The following PRDX5 variants were observed in gnomAD, a reference collection of about 807,000 sequenced individuals.
PRDX5 encodes peroxiredoxin-5, mitochondrial.
In PRDX5, 21 loss-of-function variants were observed where a neutral mutation model predicts 23.8. That is an observed-to-expected ratio of 0.88 (90% CI 0.63 to 1.27). The LOEUF (loss-of-function observed/expected upper bound fraction) is 1.27. Among genes scored for constraint, PRDX5 ranks in the 50% most tolerant of loss-of-function variants. PRDX5 has a pLI of 0.00. For missense variants in PRDX5, 261 were observed against 270.6 expected, an observed-to-expected ratio of 0.96 and a Z score of 0.25; for synonymous variants, 111 against 113.3, an observed-to-expected ratio of 0.98 and a Z score of 0.13.
chr11:64,318,993 C>G lies in PRDX5; in HGVS notation c.171+607C>G, dbSNP rs533182348. ...TCCCACTCCATGACCTCCCCTCCCC[C>G]CATGGCGAATTCCCACCTTTCTGTC... On this transcript the variant is annotated intron_variant, in intron 1 of 5. Coordinates refer to ENST00000265462, the MANE Select transcript of PRDX5 (RefSeq NM_012094.5). Among the ~76,000 whole-genome samples the G allele has an allele frequency of 1.9e-4, 29 of 152,128 alleles. No individual in the cohort carries two copies. In the East Asian group the frequency reaches 3.9e-3, roughly 20 times the overall value.
chr11:64,319,297 G>A (rs899083949), intron 1 of PRDX5, among the ~76,000 whole-genome samples: 3 of 151,960 alleles, frequency 2.0e-5, no homozygotes, highest in Non-Finnish European at 4.4e-5. Context: ...TCCACCTGCC[G>A]CTGCCCTTCC....
rs773081975 is a variant in PRDX5 at position 64,319,861 on chromosome 11, G to C, written c.299G>C (p.Cys100Ser). Residue 100 changes from cysteine (C) to serine (S), a missense_variant, in exon 2 of 6, where the codon TGT becomes TCT. By Grantham distance (112) the Cys-to-Ser change is moderately radical. Transcript: ENST00000265462. Reference sequence around the variant, plus strand: ...GTTCCTGGGGCCTTCACCCCTGGATGTTCCAAGGTGAGGCCCTTCCCCTTC... The same window carrying C: ...GTTCCTGGGGCCTTCACCCCTGGATCTTCCAAGGTGAGGCCCTTCCCCTTC... ...FGVPGAFTPG[C>S]SKTHLPGFVE... is the part of the protein sequence containing the mutation. The C allele has an allele frequency of 6.2e-7, 1 of 1,613,960 alleles. No individual in the cohort carries two copies. Among genetic ancestry groups the C allele is most frequent in the Non-Finnish European group, 8.5e-7 (1 of 1,179,910 alleles).
chr11:64,321,210 G>T, intron 5 of PRDX5, 142 bp downstream of exon 5: 1 of 1,020,634 alleles, frequency 9.8e-7, no homozygotes, highest in South Asian at 1.4e-5. Context: ...CGTCTGTGGG[G>T]AGAGTCCTGT....
At chr11:64,319,911 T>C in intron 2 of PRDX5, 43 bp downstream of exon 2, 1 of 1,606,912 alleles carries the variant, frequency 6.2e-7, no homozygotes, top group Non-Finnish European at 8.5e-7. Flanking sequence ...TGGGATCTTT[T>C]GTGTTGCTCT....
intron 4 of PRDX5, 43 bp from the exon 5 acceptor site, chr11:64,320,964 G>T (rs1479859401): frequency 1.2e-6 from 2 of 1,613,922 alleles, no homozygotes; most frequent in Admixed American, 3.3e-5. Flanking sequence ...GGGGCCCTTA[G>T]CCTCTTCAAG....
Position 64,320,643 on chromosome 11 carries a change from T to A in PRDX5, c.307-18T>A, listed in dbSNP as rs199651617. 3.2e-4 allele frequency: 498 copies of A among 1,571,884 alleles called. No individual in the cohort carries two copies. The Middle Eastern group carries it at 3.4e-3, about 11-fold the overall frequency. On this transcript the variant is annotated intron_variant, in intron 2 of 5. Coordinates refer to ENST00000265462, the MANE Select transcript of PRDX5 (RefSeq NM_012094.5). ...GATGCAGTTATCCCTTTGCCGACCC[T>A]TTGTTCCCCTTCCTCAGACACACCT...
chr11:64,318,400 C>T lies in PRDX5; in HGVS notation c.171+14C>T. On this transcript the variant is annotated intron_variant, in intron 1 of 5. Coordinates refer to ENST00000265462, the MANE Select transcript of PRDX5 (RefSeq NM_012094.5). ...GCCCCAATCAAGGTGACCGCTGGCCCGGCCGGGCCTGACATCCCCCACTAC... is the reference window on the plus strand; with the variant it reads ...GCCCCAATCAAGGTGACCGCTGGCCTGGCCGGGCCTGACATCCCCCACTAC... 2.5e-6 allele frequency: 4 copies of T among 1,596,782 alleles called. No homozygotes were observed. Among genetic ancestry groups the T allele is most frequent in the Non-Finnish European group, 1.7e-6 (2 of 1,173,310 alleles).
intron 2 of PRDX5, among the ~76,000 whole-genome samples, chr11:64,320,225 G>A (rs1454827816): frequency 6.6e-6 from 1 of 152,098 alleles, no homozygotes; most frequent in Non-Finnish European, 1.5e-5. Context: ...GTTGCAGTGA[G>A]TGGAGATCGT....
Position 64,318,283 on chromosome 11 carries a change from G to A in PRDX5, c.68G>A (p.Gly23Asp), listed in dbSNP as rs369628643. 7 of 1,612,552 alleles carry A rather than the reference G, an allele frequency of 4.3e-6. No homozygotes were observed. Among genetic ancestry groups the A allele is most frequent in the African/African-American group, 1.3e-5 (1 of 75,006 alleles). Residue 23 changes from glycine to aspartate, a missense_variant, in exon 1 of 6, where the codon GGT (glycine) becomes GAT (aspartate). Coordinates refer to ENST00000265462, the MANE Select transcript of PRDX5 (RefSeq NM_012094.5). The stretch of plus-strand genomic sequence containing the variant: ...TATATACTCGTCGGTGGGGCCGGCG[G>A]TCAGTCTGCGGCAGCGGCAGCAAGA... ...AGYILVGGAG[G>D]QSAAAAARRY...
rs1234896128 is a variant in PRDX5 at position 64,319,886 on chromosome 11, C to T, written c.306+18C>T. On this transcript the variant is annotated intron_variant, in intron 2 of 5. Transcript: ENST00000265462. Reference sequence around the variant, plus strand: ...GTTCCAAGGTGAGGCCCTTCCCCTTCTGAAGATCAGGACCTGGGATCTTTT... The same window carrying T: ...GTTCCAAGGTGAGGCCCTTCCCCTTTTGAAGATCAGGACCTGGGATCTTTT... The T allele has an allele frequency of 6.2e-7, 1 of 1,612,790 alleles. No homozygotes were observed. Among genetic ancestry groups the T allele is most frequent in the East Asian group, 2.2e-5 (1 of 44,884 alleles).
rs757529407 is a variant in PRDX5, at chr11:64,318,288, T to C, written c.73T>C (p.Ser25Pro). 1 of 1,612,468 alleles carries C rather than the reference T, an allele frequency of 6.2e-7. No homozygotes were observed. Among genetic ancestry groups the C allele is most frequent in the Non-Finnish European group, 8.5e-7 (1 of 1,179,888 alleles). Residue 25 changes from serine to proline, a missense_variant, in exon 1 of 6, where the codon TCT (serine) becomes CCT (proline). Transcript: ENST00000265462. Reference protein sequence around the residue: ...YILVGGAGGQSAAAAARRYSE... With the variant: ...YILVGGAGGQPAAAAARRYSE... ...ACTCGTCGGTGGGGCCGGCGGTCAG[T>C]CTGCGGCAGCGGCAGCAAGACGGTA...
At chr11:64,320,007 C>A (rs1435727449) in intron 2 of PRDX5, 139 bp downstream of exon 2, 4 of 1,254,316 alleles carry the variant, frequency 3.2e-6, no homozygotes, top group Non-Finnish European at 4.3e-6. Context: ...GAGCTGGGCG[C>A]GGTGGCTCAC....
At chr11:64,320,232 T>G (rs1361650367) in intron 2 of PRDX5, among the ~76,000 whole-genome samples, 2 of 150,618 alleles carry the variant, frequency 1.3e-5, no homozygotes, top group African/African-American at 2.5e-5. Flanking sequence ...TGAGTGGAGA[T>G]CGTGCCTCTG....
Position 64,320,769 on chromosome 11 carries a change from C to G in PRDX5, c.415C>G (p.Arg139Gly), listed in dbSNP as rs768675909. Residue 139 changes from arginine to glycine, a missense_variant, in exon 3 of 6, where the codon CGA (arginine) becomes GGA (glycine). By Grantham distance (125) the Arg-to-Gly change is moderately radical (BLOSUM62 -2). Coordinates refer to ENST00000265462, the MANE Select transcript of PRDX5 (RefSeq NM_012094.5). ...NDAFVTGEWG[R>G]AHKAEGKVRL... is the part of the protein sequence containing the mutation. ...TGCCTTTGTGACTGGCGAGTGGGGC[C>G]GAGCCCACAAGGCGGAAGGCAAGGT... 1 of 1,614,082 alleles carries G rather than the reference C, an allele frequency of 6.2e-7. No individual in the cohort carries two copies. The highest frequency in any genetic ancestry group is 8.5e-7 in the Non-Finnish European group (1 of 1,179,974).
intron 5 of PRDX5, among the ~76,000 whole-genome samples, chr11:64,321,377 A>G (rs547964258): frequency 3.8e-5 from 5 of 131,390 alleles, no homozygotes; most frequent in Admixed American, 1.6e-4. Flanking sequence ...CTCTGGGGAG[A>G]GAGTCCTGTG....
Position 64,318,440 on chromosome 11 carries a change from C to G in PRDX5, c.171+54C>G, listed in dbSNP as rs192518475. Reference sequence around the variant, plus strand: ...TCCCCCACTACCCCCATGGCAATCCCCGTCCCGCTAGTCTGAGAGTATCGC... The same window carrying G: ...TCCCCCACTACCCCCATGGCAATCCGCGTCCCGCTAGTCTGAGAGTATCGC... On this transcript the variant is annotated intron_variant, in intron 1 of 5. Coordinates refer to ENST00000265462, the MANE Select transcript of PRDX5 (RefSeq NM_012094.5). The G allele has an allele frequency of 7.1e-6, 11 of 1,548,420 alleles. No individual in the cohort carries two copies. In the East Asian group the frequency reaches 2.4e-4, roughly 34 times the overall value.
At chr11:64,320,377 C>T (rs1176997620) in intron 2 of PRDX5, among the ~76,000 whole-genome samples, 4 of 152,046 alleles carry the variant, frequency 2.6e-5, no homozygotes, top group African/African-American at 4.8e-5. Flanking sequence ...ATCCAACACC[C>T]CTGTTGGTCC....
rs776283715 is a variant in PRDX5, at chr11:64,318,399, C to T, written c.171+13C>T. ...GGCCCCAATCAAGGTGACCGCTGGC[C>T]CGGCCGGGCCTGACATCCCCCACTA... On this transcript the variant is annotated intron_variant, in intron 1 of 5. Coordinates refer to ENST00000265462, the MANE Select transcript of PRDX5 (RefSeq NM_012094.5). The T allele has an allele frequency of 6.3e-7, 1 of 1,596,912 alleles. No individual in the cohort carries two copies. The highest frequency in any genetic ancestry group is 1.1e-5 in the South Asian group (1 of 89,258).
rs1341846609 is a variant in PRDX5, at chr11:64,318,162, C to T, written c.-54C>T. On this transcript the variant is annotated 5_prime_UTR_variant, in exon 1 of 6. Transcript: ENST00000265462. ...CCGCTGTGCCGCTAGCGGTGCCCCG[C>T]CTGCTGCGGTGGCACCAGCCAGGAG... 1 of 1,604,456 alleles carries T rather than the reference C, an allele frequency of 6.2e-7. No individual in the cohort carries two copies. Among genetic ancestry groups the T allele is most frequent in the East Asian group, 2.2e-5 (1 of 44,598 alleles).
Sources: allele counts gnomAD v4.1 joint callset (sites outside exome capture counted in the v4.1 genomes callset), GRCh38; gene constraint gnomAD v4.1.1; transcripts MANE v1.5; gene names NCBI Gene and HGNC (gene_info 2026-07-23, HGNC 2026-07-21).